Variants in NIM1K observed in about 807,000 individuals in gnomAD.
NIM1K encodes NIM1 serine/threonine protein kinase.
NIM1K carries 35 observed loss-of-function variants against 37.1 expected under a neutral mutation model. The ratio of observed to expected loss-of-function variants is 0.94; its 90% CI spans 0.72 to 1.25. The LOEUF (loss-of-function observed/expected upper bound fraction) is 1.25, where lower values mean the gene tolerates loss of function less well. Ranked by LOEUF, NIM1K falls within the 50% of genes most tolerant of loss-of-function variation. The pLI, the probability that NIM1K is intolerant of heterozygous loss-of-function variation, is 0.00. For missense variants in NIM1K, 564 were observed against 548.0 expected (o/e 1.03, Z -0.29); for synonymous variants, 234 against 206.6 (o/e 1.13, Z -1.14).
At chr5:43,233,133 G>T in intron 1 of NIM1K, 1 of 1,330,252 alleles carries the variant, frequency 7.5e-7, no homozygotes, top group Admixed American at 1.7e-5. Flanking sequence ...TGCCAACCTG[G>T]ACACCAGCCT....
At chr5:43,249,375 A>C (rs1404313293) in intron 2 of NIM1K, among the ~76,000 whole-genome samples, 2 of 152,060 alleles carry the variant, frequency 1.3e-5, no homozygotes, top group African/African-American at 2.4e-5. Context: ...GCCCTTACTC[A>C]GTCTTTTTGT....
chr5:43,280,204 C>G lies in NIM1K; in HGVS notation c.786C>G (p.Tyr262Ter), dbSNP rs773835530. The change falls in exon 4 of 4, where the codon TAC becomes TAG. Residue 262 changes from tyrosine (Y) to a stop codon, truncating the protein, a stop_gained. Transcript: ENST00000326035. LOFTEE classifies it high-confidence loss of function. The stretch of plus-strand genomic sequence containing the variant: ...TCTGGGCCTTGGGGGTGCTTTTGTA[C>G]TTCATGGTGACTGGCACCATGCCAT... ...VDIWALGVLLYFMVTGTMPFR... is the reference protein window; with the variant it reads ...VDIWALGVLL 2 of 1,614,178 alleles carry G rather than the reference C, an allele frequency of 1.2e-6. No homozygotes were observed. Among genetic ancestry groups the G allele is most frequent in the Non-Finnish European group, 1.7e-6 (2 of 1,180,036 alleles).
At chr5:43,227,541 C>G (rs756608739) in intron 1 of NIM1K, among the ~76,000 whole-genome samples, 22 of 152,104 alleles carry the variant, frequency 1.4e-4, no homozygotes, top group Non-Finnish European at 2.9e-4. Flanking sequence ...GTTTCCCACT[C>G]CTTTGCTACC....
intron 1 of NIM1K, among the ~76,000 whole-genome samples, chr5:43,230,667 T>C (rs1394551659): frequency 6.6e-6 from 1 of 152,342 alleles, no homozygotes; most frequent in African/African-American, 2.4e-5. Flanking sequence ...CCTAGACTTC[T>C]GCATTTTTTG....
chr5:43,212,050 A>G (rs958978505), intron 1 of NIM1K, among the ~76,000 whole-genome samples: 1 of 152,182 alleles, frequency 6.6e-6, no homozygotes, highest in Non-Finnish European at 1.5e-5. Flanking sequence ...AAATATATAT[A>G]TTGAATATAA....
intron 1 of NIM1K, chr5:43,207,145 T>C: frequency 1.4e-6 from 1 of 724,858 alleles, no homozygotes; most frequent in South Asian, 1.5e-5. Context: ...ATATAAAAAT[T>C]CTACACTCGA....
At chr5:43,224,565 T>C (rs185779792) in intron 1 of NIM1K, among the ~76,000 whole-genome samples, 4 of 152,154 alleles carry the variant, frequency 2.6e-5, no homozygotes, top group Non-Finnish European at 2.9e-5. Flanking sequence ...TTTTTTTACC[T>C]AAAAGGAAGA....
At chr5:43,240,367 A>T (rs974233853) in intron 1 of NIM1K, 2 of 151,868 alleles carry the variant, frequency 1.3e-5, no homozygotes, top group African/African-American at 4.9e-5. Flanking sequence ...GAGCCACCAC[A>T]ACCAGCCTAT....
intron 2 of NIM1K, among the ~76,000 whole-genome samples, chr5:43,267,174 T>A (rs897439019): frequency 1.1e-4 from 16 of 152,240 alleles, no homozygotes; most frequent in African/African-American, 3.9e-4. Flanking sequence ...TATTTCTTCC[T>A]GATTTAATCT....
At chr5:43,276,233 C>T (rs962383387) in intron 2 of NIM1K, among the ~76,000 whole-genome samples, 8 of 152,192 alleles carry the variant, frequency 5.3e-5, no homozygotes, top group African/African-American at 1.9e-4. Flanking sequence ...TTTATTAGCT[C>T]ATGATTCTGC....
intron 2 of NIM1K, among the ~76,000 whole-genome samples, chr5:43,271,996 TAG>T (rs1753263661): frequency 6.6e-6 from 1 of 152,244 alleles, no homozygotes; most frequent in Non-Finnish European, 1.5e-5. Flanking sequence ...GTTGTATCAA[TAG>T]TTGGTTCATT....
At chr5:43,200,120 A>G (rs1224761696) in intron 1 of NIM1K, among the ~76,000 whole-genome samples, 2 of 151,776 alleles carry the variant, frequency 1.3e-5, no homozygotes, top group Non-Finnish European at 2.9e-5. Flanking sequence ...TAATCTGCCC[A>G]CCTCGGCCTC....
At chr5:43,231,939 C>A in intron 1 of NIM1K, 1 of 947,692 alleles carries the variant, frequency 1.1e-6, no homozygotes, top group South Asian at 1.3e-5. Flanking sequence ...CCTTCTCTCA[C>A]CCACGTACCA....
At chr5:43,279,861 T>G in intron 3 of NIM1K, 119 bp from the exon 4 acceptor site, 1 of 822,602 alleles carries the variant, frequency 1.2e-6, no homozygotes, top group Non-Finnish European at 1.9e-6. Flanking sequence ...TGACTTAAGG[T>G]GATCCTCACT....
Position 43,233,931 on chromosome 5 carries a change from G to A in NIM1K, c.-694-11151G>A, listed in dbSNP as rs1162633229. ...TTCCTTTTGTTTGGAGGCAGGCATAGGTCCTCAGAGAAGATGGGAAGATTT... is the reference window on the plus strand; with the variant it reads ...TTCCTTTTGTTTGGAGGCAGGCATAAGTCCTCAGAGAAGATGGGAAGATTT... On this transcript the variant is annotated intron_variant, in intron 1 of 3. Transcript: ENST00000326035. Among the ~76,000 whole-genome samples, 5 of 152,272 alleles carry A rather than the reference G, an allele frequency of 3.3e-5. No individual in the cohort carries two copies. The East Asian group carries it at 9.6e-4, about 29-fold the overall frequency.
chr5:43,278,282 C>T (rs1753384727), intron 3 of NIM1K, among the ~76,000 whole-genome samples: 1 of 152,100 alleles, frequency 6.6e-6, no homozygotes, highest in African/African-American at 2.4e-5. Context: ...TGACCTCAAG[C>T]GATCCACCTG....
intron 1 of NIM1K, among the ~76,000 whole-genome samples, chr5:43,223,635 G>A (rs894199322): frequency 1.3e-5 from 2 of 152,054 alleles, no homozygotes; most frequent in Non-Finnish European, 2.9e-5. Context: ...CTTTCCTTTT[G>A]TTAAATGATT....
intron 1 of NIM1K, among the ~76,000 whole-genome samples, chr5:43,212,884 A>G (rs1752223720): frequency 6.6e-6 from 1 of 152,238 alleles, no homozygotes; most frequent in Non-Finnish European, 1.5e-5. Flanking sequence ...AAGAGCAAAC[A>G]AAAGCAAATT....
intron 2 of NIM1K, among the ~76,000 whole-genome samples, chr5:43,272,336 A>G (rs1753270194): frequency 6.6e-6 from 1 of 151,858 alleles, no homozygotes; most frequent in South Asian, 2.1e-4. Flanking sequence ...CCAGGAGTAC[A>G]TCCCCCTGTT....
Sources: gnomAD v4.1 joint callset for allele counts (sites outside exome capture counted in the v4.1 genomes callset) on GRCh38, gnomAD v4.1.1 for gene constraint, MANE v1.5 for transcripts, NCBI Gene and HGNC (gene_info 2026-07-23, HGNC 2026-07-21) for gene names.